Variants in RORA observed in about 807,000 individuals in gnomAD.
The protein encoded by RORA is RAR related orphan receptor A.
A neutral mutation model predicts 69.5 loss-of-function variants in RORA; 7 were observed. The ratio of observed to expected loss-of-function variants is 0.10; its 90% CI spans 0.06 to 0.19. The LOEUF (loss-of-function observed/expected upper bound fraction) is 0.19, where lower values mean the gene tolerates loss of function less well. Ranked by LOEUF, RORA falls within the 10% of genes least tolerant of loss-of-function variation. The probability of loss-of-function intolerance (pLI) is 1.00; values close to 1 mark genes in which losing one functional copy is unlikely to be tolerated. For missense variants in RORA, 457 were observed against 663.0 expected (o/e 0.69, Z 3.41); for synonymous variants, 261 against 240.8 (o/e 1.08, Z -0.78).
At chr15:61,153,319 G>A (rs1299117668) in intron 1 of RORA, among the ~76,000 whole-genome samples, 2 of 152,202 alleles carry the variant, frequency 1.3e-5, no homozygotes, top group Non-Finnish European at 2.9e-5. Context: ...CCTAAGTGGG[G>A]TGGGATGGTT....
At chr15:60,958,227 T>C (rs1893323165) in intron 1 of RORA, among the ~76,000 whole-genome samples, 1 of 152,158 alleles carries the variant, frequency 6.6e-6, no homozygotes, top group Non-Finnish European at 1.5e-5. Context: ...CAAAGGATGT[T>C]CATATTGGAT....
intron 1 of RORA, among the ~76,000 whole-genome samples, chr15:60,855,884 G>C (rs1054827963): frequency 6.6e-6 from 1 of 152,120 alleles, no homozygotes; most frequent in Non-Finnish European, 1.5e-5. Context: ...CAAAGTGCTG[G>C]GATTACAGGT....
intron 1 of RORA, among the ~76,000 whole-genome samples, chr15:61,163,055 G>A (rs1238516521): frequency 6.6e-6 from 1 of 152,212 alleles, no homozygotes; most frequent in Non-Finnish European, 1.5e-5. Flanking sequence ...GCTCCAAGTG[G>A]CAAGAGAAAC....
chr15:60,841,573 C>T (rs2073198982), intron 1 of RORA, among the ~76,000 whole-genome samples: 1 of 152,210 alleles, frequency 6.6e-6, no homozygotes, highest in Admixed American at 6.5e-5. Flanking sequence ...AGTAAAAATG[C>T]TATTGAGAAA....
At chr15:61,072,039 T>C (rs1311797424) in intron 1 of RORA, among the ~76,000 whole-genome samples, 1 of 152,152 alleles carries the variant, frequency 6.6e-6, no homozygotes, top group Non-Finnish European at 1.5e-5. Context: ...AGGATATTTA[T>C]AATTATTGTT....
At chr15:61,019,811 C>A (rs543450054) in intron 1 of RORA, among the ~76,000 whole-genome samples, 2 of 152,324 alleles carry the variant, frequency 1.3e-5, no homozygotes, top group African/African-American at 4.8e-5. Context: ...GACCACCTCT[C>A]CAATGGCTGG....
At chr15:60,517,582 TCA>T (rs2141368225) in intron 3 of RORA, among the ~76,000 whole-genome samples, 2 of 152,296 alleles carry the variant, frequency 1.3e-5, no homozygotes, top group South Asian at 4.1e-4. Context: ...ATATAAATGG[TCA>T]CAGAGGCAGA....
chr15:60,509,189 T>C (rs375566801), intron 5 of RORA, among the ~76,000 whole-genome samples: 14 of 152,344 alleles, frequency 9.2e-5, no homozygotes, highest in African/African-American at 2.6e-4. Context: ...CTTGGGCCAC[T>C]TTCATGATAC....
At chr15:61,107,098 G>A (rs1470803854) in intron 1 of RORA, among the ~76,000 whole-genome samples, 1 of 152,180 alleles carries the variant, frequency 6.6e-6, no homozygotes, top group Non-Finnish European at 1.5e-5. Flanking sequence ...ATATTTAACT[G>A]TTTCCAAAAG....
rs1168663714 is a variant in RORA, at chr15:61,066,418, C to CTTTTTTTTTTT, written c.166+162624_166+162634dup. On this transcript the variant is annotated intron_variant, in intron 1 of 10. Transcript: ENST00000335670. ...AATTGTGGGAAGACAGGGCATATTC[C>CTTTTTTTTTTT]TTTTTTTTTTTTTTTTTTTTTTTTT... is the stretch of plus-strand genomic sequence containing the variant. 1.0e-3 allele frequency among the ~76,000 whole-genome samples: 81 copies of CTTTTTTTTTTT among 80,966 alleles called. 4 individuals are homozygous for CTTTTTTTTTTT. The highest frequency in any genetic ancestry group is 2.9e-3 in the African/African-American group (59 of 20,408). 53.1% of individuals were successfully genotyped at this position (80,966 alleles called of 152,430 possible).
At chr15:60,842,487 G>GT (rs1223182944) in intron 1 of RORA, among the ~76,000 whole-genome samples, 1 of 152,196 alleles carries the variant, frequency 6.6e-6, no homozygotes, top group Non-Finnish European at 1.5e-5. Context: ...TCCTGAGTTA[G>GT]TTCTCACAAG....
At chr15:60,849,023 T>G (rs993486670) in intron 1 of RORA, 2 of 152,214 alleles carry the variant, frequency 1.3e-5, no homozygotes, top group African/African-American at 4.8e-5. Flanking sequence ...ATAGCAGCAA[T>G]AGGAAATCAA....
chr15:60,620,053 C>T (rs1801159539), intron 2 of RORA, among the ~76,000 whole-genome samples: 1 of 152,252 alleles, frequency 6.6e-6, no homozygotes, highest in South Asian at 2.1e-4. Flanking sequence ...GCATCTCTCA[C>T]TATCTCCTTT....
At chr15:60,548,239 C>T (rs181929822) in intron 2 of RORA, among the ~76,000 whole-genome samples, 11 of 152,278 alleles carry the variant, frequency 7.2e-5, no homozygotes, top group Admixed American at 7.2e-4. Context: ...AAGAAGACGA[C>T]TTGAAAGGAC....
At chr15:61,094,533 T>C (rs2078760901) in intron 1 of RORA, among the ~76,000 whole-genome samples, 1 of 152,172 alleles carries the variant, frequency 6.6e-6, no homozygotes, top group African/African-American at 2.4e-5. Context: ...AAGAGTTTCA[T>C]CAGCATTGGT....
At chr15:60,739,724 G>A (rs904241183) in intron 1 of RORA, among the ~76,000 whole-genome samples, 3 of 152,098 alleles carry the variant, frequency 2.0e-5, no homozygotes, top group African/African-American at 7.2e-5. Context: ...TCTGACTTAG[G>A]AGCAAACCTT....
At chr15:60,683,647 T>TACACACACAC (rs59854874) in intron 1 of RORA, among the ~76,000 whole-genome samples, 9,456 of 148,628 alleles carry the variant, frequency 0.064, 335 homozygotes, top group Non-Finnish European at 0.075. Flanking sequence ...CAGATACACA[T>TACACACACAC]ACACACACAC....
intron 1 of RORA, among the ~76,000 whole-genome samples, chr15:60,808,195 C>G (rs1000883963): frequency 2.6e-5 from 4 of 151,988 alleles, no homozygotes; most frequent in Non-Finnish European, 5.9e-5. Flanking sequence ...GGACTAATAT[C>G]CAGAATCTCA....
chr15:60,617,688 A>G (rs1418404294), intron 2 of RORA, among the ~76,000 whole-genome samples: 1 of 150,430 alleles, frequency 6.6e-6, no homozygotes, highest in African/African-American at 2.5e-5. Flanking sequence ...AGAGAGAGAG[A>G]GAGAAAGAGG....
Sources: allele counts gnomAD v4.1 joint callset (sites outside exome capture counted in the v4.1 genomes callset), GRCh38; gene constraint gnomAD v4.1.1; transcripts MANE v1.5; gene names NCBI Gene and HGNC (gene_info 2026-07-23, HGNC 2026-07-21).